FHIP1A: variants seen among roughly 807,000 people sequenced by gnomAD.
The protein encoded by FHIP1A is FHF complex subunit HOOK-interacting protein 1A.
Under a neutral mutation model 88.6 loss-of-function variants are expected in FHIP1A, and 61 were observed. The ratio of observed to expected loss-of-function variants is 0.69; its 90% confidence interval spans 0.56 to 0.85. The LOEUF (loss-of-function observed/expected upper bound fraction) is 0.85, where lower values mean the gene tolerates loss of function less well. Ranked by LOEUF, FHIP1A falls within the 40% of genes least tolerant of loss-of-function variation. The probability of loss-of-function intolerance (pLI) is 0.00; values close to 1 mark genes in which losing one functional copy is unlikely to be tolerated. For missense variants in FHIP1A, 1,154 were observed against 1,273.5 expected (o/e 0.91, Z 1.43); for synonymous variants, 478 against 496.0 (o/e 0.96, Z 0.48).
At chr4:151,447,562 T>A (rs556743276) in intron 1 of FHIP1A, among the ~76,000 whole-genome samples, 1 of 152,294 alleles carries the variant, frequency 6.6e-6, no homozygotes, top group South Asian at 2.1e-4. Context: ...ATCATTTATA[T>A]TGTTTATTTT....
At chr4:151,618,535 C>T (rs1021207229) in intron 7 of FHIP1A, among the ~76,000 whole-genome samples, 7 of 152,196 alleles carry the variant, frequency 4.6e-5, no homozygotes, top group Admixed American at 3.3e-4. Context: ...TTAGAGGGTC[C>T]TCTAAGTGTT....
chr4:151,648,754 A>G (rs1304365797), intron 10 of FHIP1A, among the ~76,000 whole-genome samples: 1 of 151,662 alleles, frequency 6.6e-6, no homozygotes, highest in East Asian at 1.9e-4. Flanking sequence ...AAGAAATGAT[A>G]GACTATATAT....
At chr4:151,571,557 C>T (rs10034746) in intron 4 of FHIP1A, among the ~76,000 whole-genome samples, 5,522 of 152,068 alleles carry the variant, frequency 0.036, 351 homozygotes, top group African/African-American at 0.13. Context: ...CCAAGTAGCC[C>T]GAATCTAAAG....
intron 4 of FHIP1A, among the ~76,000 whole-genome samples, chr4:151,569,078 A>G (rs1200826003): frequency 6.6e-6 from 1 of 152,136 alleles, no homozygotes; most frequent in East Asian, 1.9e-4. Context: ...TTGGGAAAAG[A>G]GCTCCAGTTT....
chr4:151,454,074 A>G (rs992421622), intron 1 of FHIP1A, among the ~76,000 whole-genome samples: 10 of 152,230 alleles, frequency 6.6e-5, no homozygotes. Context: ...TCCCATAGGA[A>G]TGTACATAAT....
chr4:151,511,976 C>T (rs1313286275), intron 3 of FHIP1A, among the ~76,000 whole-genome samples: 2 of 152,246 alleles, frequency 1.3e-5, no homozygotes, highest in Non-Finnish European at 2.9e-5. Context: ...AATGGGCAGA[C>T]TGCCTCCTCA....
intron 8 of FHIP1A, among the ~76,000 whole-genome samples, chr4:151,632,689 G>T (rs1019968909): frequency 3.3e-5 from 5 of 151,832 alleles, no homozygotes; most frequent in African/African-American, 4.8e-5. Flanking sequence ...AAGGAAAAGT[G>T]GAAAAAATTA....
chr4:151,449,239 A>G (rs188811646), intron 1 of FHIP1A, among the ~76,000 whole-genome samples: 2 of 152,062 alleles, frequency 1.3e-5, no homozygotes, highest in African/African-American at 2.4e-5. Flanking sequence ...AGCATATTTT[A>G]TATGTTATTT....
chr4:151,509,199 G>A (rs1179091464), intron 3 of FHIP1A, among the ~76,000 whole-genome samples: 1 of 152,026 alleles, frequency 6.6e-6, no homozygotes, highest in Non-Finnish European at 1.5e-5. Flanking sequence ...GTCTCACTCT[G>A]TCGCCCAGGC....
chr4:151,556,204 G>T (rs1732941809), intron 3 of FHIP1A, among the ~76,000 whole-genome samples: 1 of 152,128 alleles, frequency 6.6e-6, no homozygotes, highest in South Asian at 2.1e-4. Flanking sequence ...ACTTACATGG[G>T]AGAGCTGGAA....
At chr4:151,568,693 A>C (rs2126776039) in intron 4 of FHIP1A, among the ~76,000 whole-genome samples, 1 of 152,314 alleles carries the variant, frequency 6.6e-6, no homozygotes, top group Admixed American at 6.5e-5. Context: ...TTACAAAATG[A>C]ATAACCATGA....
intron 3 of FHIP1A, among the ~76,000 whole-genome samples, chr4:151,556,192 C>T (rs1185096044): frequency 6.6e-6 from 1 of 152,120 alleles, no homozygotes; most frequent in East Asian, 1.9e-4. Context: ...TAGAAAGGAG[C>T]AACTTACATG....
rs545910363 is a variant in FHIP1A, at chr4:151,412,174, G to C, written c.-356+2709G>C. ...GCTGGAGTGCAATGGTGTGATCTCG[G>C]CTCACTGCAACCTCTGCCTCCCAGT... is the stretch of plus-strand genomic sequence containing the variant. On this transcript the variant is annotated intron_variant, in intron 1 of 13. Transcript: ENST00000435205. 1.8e-3 allele frequency among the ~76,000 whole-genome samples: 272 copies of C among 152,198 alleles called. 1 individual carries two copies. The highest frequency in any genetic ancestry group is 0.01 in the Middle Eastern group (3 of 294).
intron 3 of FHIP1A, among the ~76,000 whole-genome samples, chr4:151,531,420 GT>G (rs1371414963): frequency 6.6e-6 from 1 of 151,272 alleles, no homozygotes; most frequent in Non-Finnish European, 1.5e-5. Flanking sequence ...CACATTCTGT[GT>G]TCATCTAAAA....
chr4:151,489,675 G>A (rs535264261), intron 3 of FHIP1A, among the ~76,000 whole-genome samples: 2 of 152,204 alleles, frequency 1.3e-5, no homozygotes, highest in Non-Finnish European at 2.9e-5. Flanking sequence ...CTGGGAGCTG[G>A]GTGAGACCTG....
At chr4:151,455,089 G>C (rs546430833) in intron 2 of FHIP1A, among the ~76,000 whole-genome samples, 7 of 152,230 alleles carry the variant, frequency 4.6e-5, no homozygotes, top group African/African-American at 1.7e-4. Context: ...CTCTGAAGCT[G>C]CTTAGTTTAA....
At chr4:151,524,292 A>G (rs977978071) in intron 3 of FHIP1A, among the ~76,000 whole-genome samples, 1 of 135,996 alleles carries the variant, frequency 7.4e-6, no homozygotes, top group Non-Finnish European at 1.6e-5. Context: ...ACAGAGTGAG[A>G]ATCTGTCTCA....
chr4:151,435,604 G>A lies in FHIP1A; in HGVS notation c.-355-19097G>A, dbSNP rs150735810. Among the ~76,000 whole-genome samples, 463 of 152,128 alleles carry A rather than the reference G, an allele frequency of 3.0e-3. 2 individuals are homozygous for A. Among genetic ancestry groups the A allele is most frequent in the African/African-American group, 9.6e-3 (399 of 41,496 alleles). ...GTTCAGGACCAGCCTGGCCAACATG[G>A]GGAAACCCCATCTCTACTAAAAATA... is the stretch of plus-strand genomic sequence containing the variant. On this transcript the variant is annotated intron_variant, in intron 1 of 13. Coordinates refer to ENST00000435205, the MANE Select transcript of FHIP1A (RefSeq NM_001109977.3).
chr4:151,588,033 A>G (rs1408296243), intron 6 of FHIP1A, among the ~76,000 whole-genome samples: 1 of 151,862 alleles, frequency 6.6e-6, no homozygotes, highest in Non-Finnish European at 1.5e-5. Context: ...TCTCTTTTTC[A>G]TTTTCTTCTT....
Sources: allele counts gnomAD v4.1 joint callset (sites outside exome capture counted in the v4.1 genomes callset), GRCh38; gene constraint gnomAD v4.1.1; transcripts MANE v1.5; gene names NCBI Gene and HGNC (gene_info 2026-07-23, HGNC 2026-07-21).